Variants in RBMS3 observed in about 807,000 individuals in gnomAD.
The protein encoded by RBMS3 is RNA binding motif single stranded interacting protein 3, also known as RNA-binding motif, single-stranded-interacting protein 3.
Under a neutral mutation model 66.8 loss-of-function variants are expected in RBMS3, and 27 were observed. The observed-to-expected ratio is 0.40, with a 90% CI of 0.30 to 0.56. RBMS3 has a LOEUF of 0.56. RBMS3 is among the 20% of genes least tolerant of loss of function. The pLI is 0.40. For synonymous variants in RBMS3, 188 were observed against 183.0 expected (o/e 1.03, Z -0.22); for missense variants, 513 against 549.5 (o/e 0.93, Z 0.66).
intron 6 of RBMS3, among the ~76,000 whole-genome samples, chr3:29,801,743 A>G (rs993646016): frequency 1.3e-5 from 2 of 152,080 alleles, no homozygotes; most frequent in African/African-American, 4.8e-5. Flanking sequence ...GTCGCCTTCT[A>G]GAAATTTCTG....
At chr3:29,476,033 A>T (rs1229386001) in intron 2 of RBMS3, among the ~76,000 whole-genome samples, 1 of 152,120 alleles carries the variant, frequency 6.6e-6, no homozygotes, top group Admixed American at 6.5e-5. Flanking sequence ...TGTCATGTAA[A>T]ACATCCCCCA....
intron 4 of RBMS3, among the ~76,000 whole-genome samples, chr3:29,618,365 G>C (rs1026331260): frequency 6.6e-5 from 10 of 151,984 alleles, no homozygotes; most frequent in African/African-American, 2.4e-4. Context: ...AATTAGCCTG[G>C]TGTGGTGGTG....
intron 10 of RBMS3, among the ~76,000 whole-genome samples, chr3:29,929,891 C>A (rs1054335022): frequency 9.9e-5 from 15 of 151,730 alleles, no homozygotes; most frequent in Admixed American, 9.2e-4. Flanking sequence ...CTCTAGTTTG[C>A]CCCATTTCCA....
At chr3:29,717,713 C>G (rs1182203863) in intron 4 of RBMS3, among the ~76,000 whole-genome samples, 1 of 152,050 alleles carries the variant, frequency 6.6e-6, no homozygotes, top group South Asian at 2.1e-4. Context: ...AATTCTCTTA[C>G]TTACCTCGTA....
chr3:29,777,435 C>T (rs1423546842), intron 6 of RBMS3, among the ~76,000 whole-genome samples: 1 of 151,870 alleles, frequency 6.6e-6, no homozygotes, highest in African/African-American at 2.4e-5. Context: ...CCTAATATTG[C>T]CTTAATTCTC....
intron 6 of RBMS3, among the ~76,000 whole-genome samples, chr3:29,780,726 T>C (rs1260682023): frequency 6.6e-6 from 1 of 152,178 alleles, no homozygotes. Flanking sequence ...ACCACTTACT[T>C]ACCTGTAATA....
chr3:29,809,503 T>G (rs753820120), intron 6 of RBMS3, among the ~76,000 whole-genome samples: 2 of 152,010 alleles, frequency 1.3e-5, no homozygotes, highest in Non-Finnish European at 2.9e-5. Flanking sequence ...GATATATTAG[T>G]AACGGGGCCT....
chr3:29,445,180 T>G (rs2041778600), intron 2 of RBMS3, among the ~76,000 whole-genome samples: 1 of 152,048 alleles, frequency 6.6e-6, no homozygotes. Flanking sequence ...ATAAAACTTG[T>G]TCTAAGGTAG....
intron 1 of RBMS3, among the ~76,000 whole-genome samples, chr3:29,400,870 G>A (rs1294082343): frequency 1.3e-5 from 2 of 152,066 alleles, no homozygotes; most frequent in Non-Finnish European, 2.9e-5. Context: ...CTTTGCCTGA[G>A]TATGTAGGAT....
chr3:29,356,564 TC>T (rs139595433), intron 1 of RBMS3, among the ~76,000 whole-genome samples: 8,041 of 152,202 alleles, frequency 0.053, 308 homozygotes, highest in African/African-American at 0.097. Flanking sequence ...TTCATGATTA[TC>T]CTAAACATTC....
chr3:29,394,282 C>G (rs893365988), intron 1 of RBMS3, among the ~76,000 whole-genome samples: 5 of 152,172 alleles, frequency 3.3e-5, no homozygotes, highest in Non-Finnish European at 7.3e-5. Context: ...CTGTTCTGCC[C>G]CACCCCGCAG....
At chr3:29,598,043 A>G (rs1292580570) in intron 4 of RBMS3, among the ~76,000 whole-genome samples, 2 of 152,148 alleles carry the variant, frequency 1.3e-5, no homozygotes, top group Non-Finnish European at 2.9e-5. Context: ...ATCACCGTTA[A>G]AAAATATAAA....
intron 6 of RBMS3, among the ~76,000 whole-genome samples, chr3:29,815,657 G>A (rs1052878778): frequency 3.3e-5 from 5 of 152,222 alleles, no homozygotes; most frequent in South Asian, 2.1e-4. Context: ...AGCTGGAGGC[G>A]ATTATTCTAA....
At chr3:29,948,328 T>C (rs1236785331) in intron 12 of RBMS3, among the ~76,000 whole-genome samples, 2 of 151,790 alleles carry the variant, frequency 1.3e-5, no homozygotes, top group African/African-American at 4.8e-5. Context: ...TAAGTTTGCA[T>C]TGGAAAGCCT....
chr3:29,452,309 C>T (rs535884724), intron 2 of RBMS3, among the ~76,000 whole-genome samples: 1 of 152,220 alleles, frequency 6.6e-6, no homozygotes, highest in African/African-American at 2.4e-5. Flanking sequence ...ACAGTCTTGC[C>T]ATCTGGATCA....
chr3:29,916,421 A>G (rs1350505367), intron 10 of RBMS3, among the ~76,000 whole-genome samples: 1 of 152,018 alleles, frequency 6.6e-6, no homozygotes, highest in East Asian at 1.9e-4. Flanking sequence ...GTTAAAAGTC[A>G]TTAGAACTAG....
intron 12 of RBMS3, among the ~76,000 whole-genome samples, chr3:29,979,808 G>T (rs1697858290): frequency 1.3e-5 from 2 of 152,094 alleles, no homozygotes. Context: ...GTGTATATGT[G>T]CCACATTTTC....
rs557487098 is a variant in RBMS3, at chr3:29,290,875, A to G, written c.75+9119A>G. The G allele has an allele frequency of 8.6e-5, 13 of 151,998 alleles. No homozygotes were observed. The South Asian group carries it at 1.9e-3, about 22-fold the overall frequency. The allele number at this position is 151,998 out of a possible 1,614,324, so 9.4% of individuals were successfully genotyped here. ...TGAGGCCTCCATTCCACATCCAAAG[A>G]CACATATTAAAGTGCACTAACATTC... On this transcript the variant is annotated intron_variant, in intron 1 of 14. Coordinates refer to ENST00000383767, the MANE Select transcript of RBMS3 (RefSeq NM_001003793.3).
At chr3:29,636,571 C>A (rs2049482671) in intron 4 of RBMS3, among the ~76,000 whole-genome samples, 1 of 151,896 alleles carries the variant, frequency 6.6e-6, no homozygotes, top group East Asian at 1.9e-4. Context: ...ATAGAATGCC[C>A]AACAAGTTTT....
Sources: gnomAD v4.1 joint callset for allele counts (sites outside exome capture counted in the v4.1 genomes callset) on GRCh38, gnomAD v4.1.1 for gene constraint, MANE v1.5 for transcripts, NCBI Gene and HGNC (gene_info 2026-07-23, HGNC 2026-07-21) for gene names.